NAALADL2: variants seen among roughly 807,000 people sequenced by gnomAD.
NAALADL2 encodes inactive N-acetylated-alpha-linked acidic dipeptidase-like protein 2.
A neutral mutation model predicts 87.2 loss-of-function variants in NAALADL2; 76 were observed. The observed-to-expected ratio is 0.87, with a 90% CI of 0.72 to 1.05. The LOEUF (loss-of-function observed/expected upper bound fraction) is 1.05. Among genes scored for constraint, NAALADL2 ranks in the 50% least tolerant of loss-of-function variants. The pLI, the probability that NAALADL2 is intolerant of heterozygous loss-of-function variation, is 0.00. For synonymous variants in NAALADL2, 354 were observed against 331.0 expected (o/e 1.07, Z -0.75); for missense variants, 1,089 against 945.8 (o/e 1.15, Z -1.99).
chr3:174,524,267 C>T (rs1353356926), intron 1 of NAALADL2, among the ~76,000 whole-genome samples: 2 of 152,116 alleles, frequency 1.3e-5, no homozygotes, highest in African/African-American at 4.8e-5. Context: ...TCAAGGCTCA[C>T]ATAGAAAATA....
intron 5 of NAALADL2, among the ~76,000 whole-genome samples, chr3:175,331,920 C>T (rs1560376106): frequency 6.6e-6 from 1 of 152,114 alleles, no homozygotes; most frequent in Non-Finnish European, 1.5e-5. Flanking sequence ...ACAAAATCAG[C>T]AGCCTTCCTG....
chr3:175,081,474 T>G (rs1373815351), intron 1 of NAALADL2, among the ~76,000 whole-genome samples: 1 of 152,166 alleles, frequency 6.6e-6, no homozygotes, highest in Non-Finnish European at 1.5e-5. Flanking sequence ...TTTGTGAAAC[T>G]CAAATGTCAT....
intron 10 of NAALADL2, among the ~76,000 whole-genome samples, chr3:175,591,363 G>A (rs1332033972): frequency 1.3e-5 from 2 of 152,036 alleles, no homozygotes; most frequent in African/African-American, 4.8e-5. Flanking sequence ...AAAAGCATTT[G>A]TTCAACTAGT....
chr3:175,674,196 A>C (rs1734397452), intron 11 of NAALADL2, among the ~76,000 whole-genome samples: 1 of 151,936 alleles, frequency 6.6e-6, no homozygotes, highest in South Asian at 2.1e-4. Flanking sequence ...GTATTATCAA[A>C]GATTAAAATT....
chr3:175,264,190 G>T (rs1751548223), intron 4 of NAALADL2, among the ~76,000 whole-genome samples: 1 of 151,698 alleles, frequency 6.6e-6, no homozygotes, highest in Non-Finnish European at 1.5e-5. Flanking sequence ...TGTGATCATA[G>T]AATTATTACT....
intron 2 of NAALADL2, among the ~76,000 whole-genome samples, chr3:174,716,673 T>C (rs1731221728): frequency 6.6e-6 from 1 of 151,982 alleles, no homozygotes. Flanking sequence ...CTCAGTTCCA[T>C]GTGATTATAA....
Position 175,193,381 on chromosome 3 carries a change from C to T in NAALADL2, c.546-40550C>T, listed in dbSNP as rs568999190. Among the ~76,000 whole-genome samples, 15 of 151,928 alleles carry T rather than the reference C, an allele frequency of 9.9e-5. No homozygotes were observed. In the South Asian group the frequency reaches 1.5e-3, roughly 15 times the overall value. ...AGGAGAACACAACTATTCCTCTACA[C>T]GGGCCCTTATGCATGTGTAATGGTC... On this transcript the variant is annotated intron_variant, in intron 2 of 13. Transcript: ENST00000454872.
chr3:174,795,525 A>G (rs1329011791), intron 3 of NAALADL2, among the ~76,000 whole-genome samples: 1 of 152,158 alleles, frequency 6.6e-6, no homozygotes, highest in East Asian at 1.9e-4. Context: ...TTGTATGGCT[A>G]TATGTTTCCA....
At chr3:175,134,977 C>T (rs1398040756) in intron 2 of NAALADL2, among the ~76,000 whole-genome samples, 1 of 152,060 alleles carries the variant, frequency 6.6e-6, no homozygotes, top group Non-Finnish European at 1.5e-5. Flanking sequence ...AACATAACAT[C>T]CTACATTAAT....
At chr3:175,089,582 A>G (rs909913900) in intron 1 of NAALADL2, among the ~76,000 whole-genome samples, 4 of 152,180 alleles carry the variant, frequency 2.6e-5, no homozygotes, top group Non-Finnish European at 4.4e-5. Context: ...TCATTTTAAG[A>G]GTTCAGTGAA....
chr3:175,660,541 T>C (rs991976042), intron 11 of NAALADL2, among the ~76,000 whole-genome samples: 4 of 152,164 alleles, frequency 2.6e-5, no homozygotes, highest in African/African-American at 9.6e-5. Flanking sequence ...CTAGCTATTT[T>C]GAAATATGTA....
rs1267833058 is a variant in NAALADL2 at position 175,628,947 on chromosome 3, A to G, written c.1896+1561A>G. On this transcript the variant is annotated intron_variant, in intron 11 of 13. Coordinates refer to ENST00000454872, the MANE Select transcript of NAALADL2 (RefSeq NM_207015.3). ...AGCTCAAAATATCTAAATCTCAGCTATACATTTATTATGTTTGGCAAAATC... is the reference window on the plus strand; with the variant it reads ...AGCTCAAAATATCTAAATCTCAGCTGTACATTTATTATGTTTGGCAAAATC... Among the ~76,000 whole-genome samples, 32 of 150,634 alleles carry G rather than the reference A, an allele frequency of 2.1e-4. 1 individual carries two copies. The Admixed American group carries it at 2.1e-3, about 10-fold the overall frequency.
chr3:174,894,307 C>T (rs1731223750), intron 1 of NAALADL2, among the ~76,000 whole-genome samples: 1 of 152,028 alleles, frequency 6.6e-6, no homozygotes, highest in African/African-American at 2.4e-5. Context: ...GATAGAAAAT[C>T]AGGCCGGGCA....
At position 175,804,986 on chromosome 3, in the gene NAALADL2, T is replaced by C. The variant is rs1754577142; in HGVS notation, c.*1783T>C. ...CATTTGCCATGTTGAAGAGTGTGTA[T>C]AGGAAAGGTCTAGAAATAAATAGGC... On this transcript the variant is annotated 3_prime_UTR_variant, in exon 14 of 14. Transcript: ENST00000454872. 6.6e-6 allele frequency: 1 copy of C among 151,866 alleles called. No individual in the cohort carries two copies. The highest frequency in any genetic ancestry group is 6.6e-5 in the Admixed American group (1 of 15,200). The allele number at this position is 151,866 out of a possible 1,614,324, so 9.4% of individuals were successfully genotyped here. A position where few individuals can be genotyped will look rare whatever the true frequency, so the allele number is the denominator to read the frequency against.
chr3:175,597,076 T>C (rs2149624120), intron 10 of NAALADL2, among the ~76,000 whole-genome samples: 1 of 152,184 alleles, frequency 6.6e-6, no homozygotes. Context: ...TAATGACTTT[T>C]ATTTCTTCTG....
At chr3:174,854,376 G>A (rs918654905), upstream of NAALADL2, among the ~76,000 whole-genome samples, 1 of 152,142 alleles carries the variant, frequency 6.6e-6, no homozygotes, top group African/African-American at 2.4e-5. Context: ...ATTACTAGTG[G>A]ATGGGAAACC....
chr3:174,819,042 TATTATACCA>T (rs149134933), intron 3 of NAALADL2, among the ~76,000 whole-genome samples: 145 of 150,784 alleles, frequency 9.6e-4, no homozygotes, highest in African/African-American at 3.4e-3. Context: ...TGAATTTCTT[TATTATACCA>T]TTTATTCTTT....
At chr3:175,325,037 C>T (rs1055355737) in intron 5 of NAALADL2, among the ~76,000 whole-genome samples, 3 of 152,174 alleles carry the variant, frequency 2.0e-5, no homozygotes, top group African/African-American at 7.2e-5. Flanking sequence ...GAGGAAAAAG[C>T]TCTTTGAATC....
At chr3:174,546,095 T>C (rs1722703388) in intron 1 of NAALADL2, among the ~76,000 whole-genome samples, 1 of 151,980 alleles carries the variant, frequency 6.6e-6, no homozygotes, top group Admixed American at 6.6e-5. Flanking sequence ...TTGATAACTA[T>C]ATGCTACCTG....
Sources: allele counts gnomAD v4.1 joint callset (sites outside exome capture counted in the v4.1 genomes callset), GRCh38; gene constraint gnomAD v4.1.1; transcripts MANE v1.5; gene names NCBI Gene and HGNC (gene_info 2026-07-23, HGNC 2026-07-21).